Variants in TSNARE1 observed in about 807,000 individuals in gnomAD.
TSNARE1 encodes the protein t-SNARE domain-containing protein 1.
Under a neutral mutation model 62.0 loss-of-function variants are expected in TSNARE1, and 49 were observed. The ratio of observed to expected loss-of-function variants is 0.79; its 90% CI spans 0.63 to 1.00. The LOEUF (loss-of-function observed/expected upper bound fraction) is 1.00, where lower values mean the gene tolerates loss of function less well. Among genes scored for constraint, TSNARE1 ranks in the 50% least tolerant of loss-of-function variants. TSNARE1 has a pLI of 0.00. For synonymous variants in TSNARE1, 328 were observed against 294.4 expected (o/e 1.11, Z -1.17); for missense variants, 755 against 700.1 (o/e 1.08, Z -0.88).
At chr8:142,239,861 G>T (rs1426206641) in intron 12 of TSNARE1, among the ~76,000 whole-genome samples, 1 of 152,200 alleles carries the variant, frequency 6.6e-6, no homozygotes, top group Admixed American at 6.5e-5. Context: ...ACCCAAAGAG[G>T]CTGGGCTTGG....
intron 11 of TSNARE1, among the ~76,000 whole-genome samples, chr8:142,278,996 G>A (rs897070061): frequency 6.6e-6 from 1 of 152,242 alleles, no homozygotes; most frequent in African/African-American, 2.4e-5. Flanking sequence ...GCTGGCTGGA[G>A]GTGCATATGG....
intron 13 of TSNARE1, 63 bp downstream of exon 13, chr8:142,229,410 G>C: frequency 7.7e-7 from 1 of 1,301,322 alleles, no homozygotes; most frequent in Non-Finnish European, 1.1e-6. Context: ...TGGTGGATAG[G>C]TGAATGAATG....
intron 10 of TSNARE1, among the ~76,000 whole-genome samples, chr8:142,294,247 C>A (rs767040474): frequency 6.6e-6 from 1 of 152,018 alleles, no homozygotes. Flanking sequence ...CTGGGAGAAT[C>A]GAAGGGCATG....
rs750911068 is a variant in TSNARE1 at position 142,315,019 on chromosome 8, T to A, written c.1058A>T (p.Tyr353Phe). The A allele has an allele frequency of 8.1e-6, 13 of 1,614,026 alleles. No homozygotes were observed. Among genetic ancestry groups the A allele is most frequent in the Non-Finnish European group, 1.0e-5 (12 of 1,179,988 alleles). Residue 353 changes from tyrosine to phenylalanine, a missense_variant, in exon 8 of 14, where the codon TAT becomes TTT. Tyr to Phe is a conservative substitution (Grantham distance 22). Transcript: ENST00000524325. ...GCACCTCACCTTCTGCACCACTCCA[T>A]AGCACTGAATGGCATCTGAGAGCTG... is the stretch of plus-strand genomic sequence containing the variant. ...KTQLSDAIQC[Y>F]GVVQKKIAEK... is the part of the protein sequence containing the mutation.
At chr8:142,331,118 G>C in intron 5 of TSNARE1, 148 bp from the exon 6 acceptor site, 2 of 664,106 alleles carry the variant, frequency 3.0e-6, no homozygotes, top group African/African-American at 1.8e-5. Context: ...TAAGTGGCCT[G>C]GAGGCCAGGG....
chr8:142,229,636 G>T, intron 12 of TSNARE1, 57 bp from the exon 13 acceptor site: 1 of 1,540,050 alleles, frequency 6.5e-7, no homozygotes, highest in Non-Finnish European at 8.9e-7. Context: ...CCCATCCTCA[G>T]GGGCATTTGG....
intron 2 of TSNARE1, 29 bp downstream of exon 2, chr8:142,354,608 C>T: frequency 6.5e-7 from 1 of 1,543,948 alleles, no homozygotes; most frequent in Non-Finnish European, 8.9e-7. Flanking sequence ...CCCCTCCTCC[C>T]CGCCCCCACT....
chr8:142,282,241 G>A (rs1821625988), intron 11 of TSNARE1, among the ~76,000 whole-genome samples: 2 of 151,674 alleles, frequency 1.3e-5, no homozygotes, highest in African/African-American at 4.8e-5. Context: ...TACATCCATA[G>A]CAGAACCAGA....
At chr8:142,399,604 G>C (rs77953648) in intron 1 of TSNARE1, among the ~76,000 whole-genome samples, 8 of 152,154 alleles carry the variant, frequency 5.3e-5, no homozygotes, top group African/African-American at 1.9e-4. Flanking sequence ...GGACAGCGCC[G>C]GCCATGAGCT....
intron 13 of TSNARE1, among the ~76,000 whole-genome samples, chr8:142,229,145 G>GACAGTGGGTGGGTGGATAGATGGA (rs1816974542): frequency 2.5e-5 from 1 of 39,752 alleles, no homozygotes; most frequent in South Asian, 1.0e-3. Flanking sequence ...GGATAGATGG[G>GACAGTGGGTGGGTGGATAGATGGA]TGGAAGGTGG....
chr8:142,274,924 G>A (rs1439596138), intron 11 of TSNARE1, 61 bp from the exon 12 acceptor site: 2 of 1,438,566 alleles, frequency 1.4e-6, no homozygotes, highest in Non-Finnish European at 1.8e-6. Flanking sequence ...CCGCCCTGAG[G>A]ACACCCCCCA....
intron 12 of TSNARE1, among the ~76,000 whole-genome samples, chr8:142,250,990 C>T (rs1446420005): frequency 1.3e-5 from 2 of 152,216 alleles, no homozygotes. Context: ...GCTCAGCCTC[C>T]AGGGAGCAGC....
intron 13 of TSNARE1, among the ~76,000 whole-genome samples, chr8:142,213,539 GC>G (rs1258135051): frequency 6.6e-6 from 1 of 152,174 alleles, no homozygotes; most frequent in African/African-American, 2.4e-5. Flanking sequence ...AACGCCAGTT[GC>G]CTGGCCGTGG....
At chr8:142,274,707 A>G in intron 12 of TSNARE1, 74 bp downstream of exon 12, 1 of 1,409,790 alleles carries the variant, frequency 7.1e-7, no homozygotes, top group Non-Finnish European at 9.3e-7. Context: ...CCCTCCAGAC[A>G]GACGGAGGGA....
In TSNARE1 at chr8:142,282,764, G is replaced by A. The variant is rs1343113132; in HGVS notation, c.1363+1649C>T. Among the ~76,000 whole-genome samples the A allele has an allele frequency of 2.0e-4, 29 of 148,358 alleles. No individual in the cohort carries two copies. The South Asian group carries it at 3.9e-3, about 20-fold the overall frequency. ...GTCTAAGGGCAAAGGCGGGGTCAGTGTCTGCCAATGAGCAGAGGCGGGGTC... is the reference window on the plus strand; with the variant it reads ...GTCTAAGGGCAAAGGCGGGGTCAGTATCTGCCAATGAGCAGAGGCGGGGTC... On this transcript the variant is annotated intron_variant, in intron 11 of 13. Transcript: ENST00000524325.
intron 9 of TSNARE1, among the ~76,000 whole-genome samples, chr8:142,311,700 C>G (rs1827652509): frequency 1.3e-5 from 2 of 152,170 alleles, no homozygotes; most frequent in African/African-American, 4.8e-5. Flanking sequence ...GTTACCTCTT[C>G]AAATATTATT....
Position 142,215,342 on chromosome 8 carries a change from G to A in TSNARE1, c.*12-3029C>T, listed in dbSNP as rs144801802. On this transcript the variant is annotated intron_variant, in intron 13 of 13. Coordinates refer to ENST00000524325, the MANE Select transcript of TSNARE1 (RefSeq NM_145003.5). ...TGCTCAGCGTGCCCCTCAACACAAC[G>A]CAGTGTCCTGGTGTCAGTGGACAGG... is the stretch of plus-strand genomic sequence containing the variant. Among the ~76,000 whole-genome samples, 139 of 152,260 alleles carry A rather than the reference G, an allele frequency of 9.1e-4. 2 individuals carry two copies. The East Asian group carries it at 0.022, about 24-fold the overall frequency.
intron 5 of TSNARE1, among the ~76,000 whole-genome samples, chr8:142,331,297 G>A (rs970014604): frequency 3.9e-5 from 6 of 152,194 alleles, no homozygotes; most frequent in Admixed American, 1.3e-4. Flanking sequence ...CACCCCATCC[G>A]TTGCCCCTCC....
intron 1 of TSNARE1, among the ~76,000 whole-genome samples, chr8:142,374,545 G>A (rs896532579): frequency 1.3e-5 from 2 of 151,992 alleles, no homozygotes; most frequent in Non-Finnish European, 2.9e-5. Context: ...CAGGCGTGAT[G>A]GCGGGCGCCT....
Sources: allele counts gnomAD v4.1 joint callset (sites outside exome capture counted in the v4.1 genomes callset), GRCh38; gene constraint gnomAD v4.1.1; transcripts MANE v1.5; gene names NCBI Gene and HGNC (gene_info 2026-07-23, HGNC 2026-07-21).